The following MED13 variants were observed in gnomAD, a reference collection of about 807,000 sequenced individuals.
MED13 encodes mediator complex subunit 13, also known as mediator of RNA polymerase II transcription subunit 13.
Under a neutral mutation model 225.2 loss-of-function variants are expected in MED13, and 23 were observed. The observed-to-expected ratio is 0.10, with a 90% CI of 0.07 to 0.14. MED13 has a LOEUF of 0.14. MED13 is among the 10% of genes least tolerant of loss of function. MED13 has a pLI of 1.00. For missense variants in MED13, 2,197 were observed against 2,594.5 expected (o/e 0.85, Z 3.33); for synonymous variants, 942 against 889.2 (o/e 1.06, Z -1.06).
In MED13 at chr17:61,944,679, T is replaced by TA. The variant is rs879459006; in HGVS notation, c.*1788dup. 4.6e-3 allele frequency: 671 copies of TA among 145,408 alleles called. 3 individuals carry two copies. Among genetic ancestry groups the TA allele is most frequent in the African/African-American group, 0.01 (414 of 39,956 alleles). The allele number at this position is 145,408 out of a possible 1,614,324, so 9.0% of individuals were successfully genotyped here. A position where few individuals can be genotyped will look rare whatever the true frequency, so the allele number is the denominator to read the frequency against. On this transcript the variant is annotated 3_prime_UTR_variant, in exon 30 of 30. Coordinates refer to ENST00000397786, the MANE Select transcript of MED13 (RefSeq NM_005121.3). Reference sequence around the variant, plus strand: ...GAGTATTCACAAAAACAAGTTTCAGTAAAAAAAAAAACTAAAACAAACACT... The same window carrying TA: ...GAGTATTCACAAAAACAAGTTTCAGTAAAAAAAAAAAACTAAAACAAACACT...
Position 61,955,485 on chromosome 17 carries a change from T to C in MED13, c.5865A>G (p.Thr1955=), listed in dbSNP as rs776883554. The stretch of plus-strand genomic sequence containing the variant: ...GAAACACAAGTATATGAGTACATGA[T>C]GTATCCTGTGGGGTATTTAGCTGAG... ...QTSQLNTPQD[T]SCTHILVFPT... is the part of the protein sequence containing the mutation. Residue 1955 remains threonine (T), a synonymous_variant, in exon 26 of 30, where the codon ACA becomes ACG. Transcript: ENST00000397786. 5.0e-6 allele frequency: 8 copies of C among 1,605,588 alleles called. No individual in the cohort carries two copies. The highest frequency in any genetic ancestry group is 5.1e-6 in the Non-Finnish European group (6 of 1,177,396).
chr17:62,015,701 G>A (rs1172852240), intron 8 of MED13, among the ~76,000 whole-genome samples: 2 of 147,514 alleles, frequency 1.4e-5, no homozygotes, highest in African/African-American at 5.0e-5. Flanking sequence ...AGCCTCCCGA[G>A]TAGCTGGGAT....
intron 14 of MED13, 115 bp downstream of exon 14, chr17:61,984,536 C>A: frequency 1.0e-6 from 1 of 989,264 alleles, no homozygotes; most frequent in South Asian, 1.8e-5. Context: ...TAATTCAGTC[C>A]TCAACTTAGC....
In MED13 at chr17:62,016,601, T is replaced by C. The variant is rs529367603; in HGVS notation, c.1284-5368A>G. ...AGTCCAAATTGAGATGTGCTATAGA[T>C]GTAAAATACCAATTTTCCAAGACAT... On this transcript the variant is annotated intron_variant, in intron 8 of 29. Coordinates refer to ENST00000397786, the MANE Select transcript of MED13 (RefSeq NM_005121.3). Among the ~76,000 whole-genome samples the C allele has an allele frequency of 6.8e-4, 103 of 152,302 alleles. 1 individual carries two copies. Among genetic ancestry groups the C allele is most frequent in the African/African-American group, 2.3e-3 (96 of 41,584 alleles).
intron 21 of MED13, 107 bp from the exon 22 acceptor site, chr17:61,961,886 C>T (rs1281311870): frequency 3.8e-6 from 4 of 1,052,724 alleles, no homozygotes; most frequent in African/African-American, 1.6e-5. Context: ...TTACACAAAA[C>T]CTAATTTAAA....
intron 16 of MED13, among the ~76,000 whole-genome samples, chr17:61,979,916 C>T (rs947107010): frequency 1.3e-5 from 2 of 152,046 alleles, no homozygotes; most frequent in Admixed American, 1.3e-4. Flanking sequence ...GGGCCAGGCA[C>T]GGTGGCTCAC....
At chr17:62,054,881 A>G (rs920430707) in intron 2 of MED13, among the ~76,000 whole-genome samples, 8 of 152,212 alleles carry the variant, frequency 5.3e-5, no homozygotes, top group African/African-American at 1.9e-4. Flanking sequence ...TGTTCTACAT[A>G]AGAAACCACT....
intron 8 of MED13, among the ~76,000 whole-genome samples, chr17:62,012,841 G>GTA (rs748983842): frequency 7.9e-5 from 12 of 151,504 alleles, no homozygotes; most frequent in Non-Finnish European, 1.6e-4. Context: ...TTGCCAGGCT[G>GTA]TAGTGCAGTG....
chr17:61,961,954 T>C (rs1036712994), intron 21 of MED13, among the ~76,000 whole-genome samples, 175 bp from the exon 22 acceptor site: 1 of 152,168 alleles, frequency 6.6e-6, no homozygotes, highest in Non-Finnish European at 1.5e-5. Context: ...AGTAGCCAAT[T>C]TTACCAATGG....
intron 8 of MED13, among the ~76,000 whole-genome samples, chr17:62,011,737 A>C (rs1407582031): frequency 6.6e-6 from 1 of 152,246 alleles, no homozygotes; most frequent in Non-Finnish European, 1.5e-5. Context: ...GGAAAGTGCT[A>C]GAATTGACTG....
At chr17:62,034,333 A>G (rs566086262) in intron 4 of MED13, among the ~76,000 whole-genome samples, 1 of 151,936 alleles carries the variant, frequency 6.6e-6, no homozygotes, top group Non-Finnish European at 1.5e-5. Flanking sequence ...AAAATACAAA[A>G]AAAATTAGCT....
At chr17:62,007,299 A>G (rs1239263502) in intron 9 of MED13, 1 of 152,186 alleles carries the variant, frequency 6.6e-6, no homozygotes, top group Non-Finnish European at 1.5e-5. Context: ...AGTAAAGAAC[A>G]AGACCAAAAT....
chr17:62,047,430 C>T (rs2143737665), intron 3 of MED13, among the ~76,000 whole-genome samples: 1 of 152,200 alleles, frequency 6.6e-6, no homozygotes, highest in South Asian at 2.1e-4. Context: ...TGGAAACCAT[C>T]ATCCTCAGCA....
chr17:61,955,855 TAAAAAAAAAAAAAAAA>T lies in MED13; in HGVS notation c.5624-33_5624-18del. On this transcript the variant is annotated intron_variant, in intron 24 of 29. Transcript: ENST00000397786. Reference sequence around the variant, plus strand: ...AGCTCCAATCTGTGGGTATCAACAGTAAAAAAAAAAAAAAAAAAAAAAAAAATCAAAGTAACAGCAT... The same window carrying T: ...AGCTCCAATCTGTGGGTATCAACAGTAAAAAAAAAATCAAAGTAACAGCAT... The T allele has an allele frequency of 1.2e-6, 1 of 814,374 alleles. No homozygotes were observed. The highest frequency in any genetic ancestry group is 7.5e-5 in the East Asian group (1 of 13,292). 50.4% of individuals were successfully genotyped at this position (814,374 alleles called of 1,614,324 possible). A position where few individuals can be genotyped will look rare whatever the true frequency, so the allele number is the denominator to read the frequency against.
At chr17:62,022,174 A>AT (rs1555640204) in intron 8 of MED13, among the ~76,000 whole-genome samples, 10,273 of 141,172 alleles carry the variant, frequency 0.073, 519 homozygotes, top group Non-Finnish European at 0.11. Flanking sequence ...TCAAAAAAAA[A>AT]ATATATATAT....
At chr17:61,962,142 T>C (rs1055183050) in intron 21 of MED13, among the ~76,000 whole-genome samples, 2 of 151,860 alleles carry the variant, frequency 1.3e-5, no homozygotes, top group African/African-American at 2.4e-5. Flanking sequence ...AAAAATGAGC[T>C]GGGTGTGGTG....
At chr17:62,051,205 G>T (rs965371130) in intron 3 of MED13, among the ~76,000 whole-genome samples, 1 of 152,064 alleles carries the variant, frequency 6.6e-6, no homozygotes, top group Non-Finnish European at 1.5e-5. Context: ...GTCAACTAAA[G>T]TTTCCAGAAA....
chr17:62,027,951 C>A (rs1299680889), intron 8 of MED13, among the ~76,000 whole-genome samples: 1 of 152,146 alleles, frequency 6.6e-6, no homozygotes. Flanking sequence ...AACATTTATA[C>A]ACTGTTGATG....
At chr17:62,017,885 A>C (rs1019667333) in intron 8 of MED13, among the ~76,000 whole-genome samples, 1 of 152,256 alleles carries the variant, frequency 6.6e-6, no homozygotes, top group Admixed American at 6.5e-5. Flanking sequence ...ATTTTGAGGA[A>C]AAGCGCTTGT....
Sources: allele counts gnomAD v4.1 joint callset (sites outside exome capture counted in the v4.1 genomes callset), GRCh38; gene constraint gnomAD v4.1.1; transcripts MANE v1.5; gene names NCBI Gene and HGNC (gene_info 2026-07-23, HGNC 2026-07-21).